TIFAB: variants seen among roughly 807,000 people sequenced by gnomAD.
The protein encoded by TIFAB is TRAF-interacting protein with FHA domain-containing protein B.
For synonymous variants in TIFAB, 116 were observed against 95.2 expected, an observed-to-expected ratio of 1.22 and a Z score of -1.27; for missense variants, 222 against 203.6, an observed-to-expected ratio of 1.09 and a Z score of -0.55.
chr5:135,450,019 A>C, intron 1 of TIFAB, 70 bp from the exon 2 acceptor site: 1 of 1,501,620 alleles, frequency 6.7e-7, no homozygotes, highest in Non-Finnish European at 8.9e-7. Context: ...CTGAGCCCAG[A>C]CACACTTGCC....
Position 135,448,712 on chromosome 5 carries a change from C to G in TIFAB, c.*742G>C, listed in dbSNP as rs1386644766. 1 of 152,208 alleles carries G rather than the reference C, an allele frequency of 6.6e-6. No individual in the cohort carries two copies. The highest frequency in any genetic ancestry group is 1.5e-5 in the Non-Finnish European group (1 of 68,074). The allele number at this position is 152,208 out of a possible 1,614,324, so 9.4% of individuals were successfully genotyped here. A position where few individuals can be genotyped will look rare whatever the true frequency, so the allele number is the denominator to read the frequency against. On this transcript the variant is annotated 3_prime_UTR_variant, in exon 2 of 2. Transcript: ENST00000537858. ...GCTCCCAGCTCCCATCCTCAGGAAACCCTGAGCCCTGCCTGCATCCTTTCC... is the reference window on the plus strand; with the variant it reads ...GCTCCCAGCTCCCATCCTCAGGAAAGCCTGAGCCCTGCCTGCATCCTTTCC...
chr5:135,447,166 T>C lies in TIFAB; in HGVS notation c.*2288A>G. On this transcript the variant is annotated 3_prime_UTR_variant, in exon 2 of 2. Transcript: ENST00000537858. Reference sequence around the variant, plus strand: ...ACTGCTGCTTTTCATCAGACCAAAATACATGTGGCTTCTTCTCCTTGCCAG... The same window carrying C: ...ACTGCTGCTTTTCATCAGACCAAAACACATGTGGCTTCTTCTCCTTGCCAG... The C allele has an allele frequency of 1.2e-6, 2 of 1,608,544 alleles. No homozygotes were observed. Among genetic ancestry groups the C allele is most frequent in the South Asian group, 1.1e-5 (1 of 90,630 alleles).
At position 135,446,423 on chromosome 5, in the gene TIFAB, G is replaced by A. The variant is rs763417638; in HGVS notation, c.*3031C>T. 10 of 1,612,344 alleles carry A rather than the reference G, an allele frequency of 6.2e-6. No individual in the cohort carries two copies. In the East Asian group the frequency reaches 1.1e-4, roughly 18 times the overall value. The stretch of plus-strand genomic sequence containing the variant: ...GCGGTGGGAGCTGAGAGAATGCAGT[G>A]GAGGTTGTTGGGAGGAACTCACCCG... On this transcript the variant is annotated 3_prime_UTR_variant, in exon 2 of 2. Coordinates refer to ENST00000537858, the MANE Select transcript of TIFAB (RefSeq NM_001099221.2).
In TIFAB at chr5:135,446,713, C is replaced by T; in HGVS notation, c.*2741G>A. 6.2e-7 allele frequency: 1 copy of T among 1,613,858 alleles called. No individual in the cohort carries two copies. The highest frequency in any genetic ancestry group is 8.5e-7 in the Non-Finnish European group (1 of 1,179,778). On this transcript the variant is annotated 3_prime_UTR_variant, in exon 2 of 2. Coordinates refer to ENST00000537858, the MANE Select transcript of TIFAB (RefSeq NM_001099221.2). ...ACGGGTAGAGTCTGAAACTACAAAC[C>T]AGATGTTTCCGGGCTCCCTCCCGCC...
Position 135,449,557 on chromosome 5 carries a change from T to C in TIFAB, c.383A>G (p.Tyr128Cys). Residue 128 changes from tyrosine to cysteine, a missense_variant, in exon 2 of 2, where the codon TAT becomes TGT. Physicochemically the swap from Tyr to Cys is radical, Grantham distance 194 (BLOSUM62 -2). Transcript: ENST00000537858. ...EGTSLEAFVC[Y>C]FHVSPSPLIY... is the part of the protein sequence containing the mutation. The stretch of plus-strand genomic sequence containing the variant: ...CAGGGGTGAAGGGCTGACATGGAAA[T>C]AGCAGACAAAAGCCTCCAGGGATGT... 2 of 1,614,156 alleles carry C rather than the reference T, an allele frequency of 1.2e-6. No individual in the cohort carries two copies.
chr5:135,450,731 G>A (rs1769349132), intron 1 of TIFAB: 1 of 152,234 alleles, frequency 6.6e-6, no homozygotes, highest in Admixed American at 6.5e-5. Context: ...GGGTTGAGTG[G>A]ATTTGAATAA....
At position 135,446,286 on chromosome 5, in the gene TIFAB, C is replaced by A. The variant is rs1042328073; in HGVS notation, c.*3168G>T. Reference sequence around the variant, plus strand: ...CCAGGCAGCAGTCTGACCAGAGGGCCCTAGCTGGGAGCAGCGTTCATGTGC... The same window carrying A: ...CCAGGCAGCAGTCTGACCAGAGGGCACTAGCTGGGAGCAGCGTTCATGTGC... On this transcript the variant is annotated 3_prime_UTR_variant, in exon 2 of 2. Transcript: ENST00000537858. 6.7e-7 allele frequency: 1 copy of A among 1,484,134 alleles called. No individual in the cohort carries two copies. The highest frequency in any genetic ancestry group is 9.0e-7 in the Non-Finnish European group (1 of 1,105,088). The allele number at this position is 1,484,134 out of a possible 1,614,324, so 91.9% of individuals were successfully genotyped here.
chr5:135,449,832 C>G lies in TIFAB; in HGVS notation c.108G>C (p.Leu36=). ...GGGCGTCCTGCCCCCGTCCGAGAAG[C>G]AGAGGGCTGGTATCATGCTGCAGCC... ...PPRLQHDTSP[L]LLGRGQDAHL... The change falls in exon 2 of 2, where the codon CTG becomes CTC. Residue 36 remains leucine (L), a synonymous_variant. Coordinates refer to ENST00000537858, the MANE Select transcript of TIFAB (RefSeq NM_001099221.2). 1.2e-6 allele frequency: 2 copies of G among 1,607,232 alleles called. No homozygotes were observed. Among genetic ancestry groups the G allele is most frequent in the Non-Finnish European group, 1.7e-6 (2 of 1,175,470 alleles).
chr5:135,449,514 A>G lies in TIFAB; in HGVS notation c.426T>C (p.Ala142=). ...SPSPLIYRPE[A]EETDEWEGIS... is the part of the protein sequence containing the mutation. ...TGCCTTCCCATTCGTCAGTTTCCTC[A>G]GCCTCAGGTCTGTAAATCAGGGGTG... The change falls in exon 2 of 2, where the codon GCT becomes GCC. Residue 142 remains alanine, a synonymous_variant. Coordinates refer to ENST00000537858, the MANE Select transcript of TIFAB (RefSeq NM_001099221.2). 4.3e-6 allele frequency: 7 copies of G among 1,614,188 alleles called. No individual in the cohort carries two copies. The highest frequency in any genetic ancestry group is 5.9e-6 in the Non-Finnish European group (7 of 1,180,032).
chr5:135,447,429 C>A lies in TIFAB; in HGVS notation c.*2025G>T. On this transcript the variant is annotated 3_prime_UTR_variant, in exon 2 of 2. Coordinates refer to ENST00000537858, the MANE Select transcript of TIFAB (RefSeq NM_001099221.2). ...CCTCTCTCAGGTCTCATGATAGTAG[C>A]TAACCCTTATTAAGTGTGTGCTGGG... 1 of 408,580 alleles carries A rather than the reference C, an allele frequency of 2.4e-6. No individual in the cohort carries two copies. 25.3% of individuals were successfully genotyped at this position (408,580 alleles called of 1,614,324 possible). A position where few individuals can be genotyped will look rare whatever the true frequency, so the allele number is the denominator to read the frequency against.
chr5:135,451,078 G>A (rs527272863), intron 1 of TIFAB, among the ~76,000 whole-genome samples: 10 of 152,322 alleles, frequency 6.6e-5, no homozygotes, highest in African/African-American at 2.4e-4. Context: ...GGTATGGTCT[G>A]GGCTGTGGTT....
intron 1 of TIFAB, among the ~76,000 whole-genome samples, chr5:135,451,881 A>G (rs1471519355): frequency 1.1e-4 from 16 of 152,156 alleles, no homozygotes; most frequent in Non-Finnish European, 2.4e-4. Context: ...TCAAGAGTTC[A>G]CTCCCAGAAA....
chr5:135,445,015 G>A lies in TIFAB; in HGVS notation c.*4439C>T, dbSNP rs1186601563. On this transcript the variant is annotated 3_prime_UTR_variant, in exon 2 of 2. Coordinates refer to ENST00000537858, the MANE Select transcript of TIFAB (RefSeq NM_001099221.2). ...GGCTGGCCTGCATAGCCCAGGGGTG[G>A]AGAGAGGGGTCAGACTAGAACCTAT... 6.6e-6 allele frequency: 1 copy of A among 152,314 alleles called. No individual in the cohort carries two copies. The highest frequency in any genetic ancestry group is 2.4e-5 in the African/African-American group (1 of 41,446). The allele number at this position is 152,314 out of a possible 1,614,324, so 9.4% of individuals were successfully genotyped here. A position where few individuals can be genotyped will look rare whatever the true frequency, so the allele number is the denominator to read the frequency against.
At position 135,449,673 on chromosome 5, in the gene TIFAB, C is replaced by T. The variant is rs1561708648; in HGVS notation, c.267G>A (p.Leu89=). ...SRKGCVWVNG[L]TLRYLEQVPL... is the part of the protein sequence containing the mutation. ...GGACCTGCTCCAGGTACCTCAGCGT[C>T]AGCCCATTGACCCACACACAGCCCT... is the stretch of plus-strand genomic sequence containing the variant. Residue 89 remains leucine (L), a synonymous_variant, in exon 2 of 2, where the codon CTG becomes CTA. Coordinates refer to ENST00000537858, the MANE Select transcript of TIFAB (RefSeq NM_001099221.2). 6.2e-7 allele frequency: 1 copy of T among 1,614,178 alleles called. No individual in the cohort carries two copies. Among genetic ancestry groups the T allele is most frequent in the Non-Finnish European group, 8.5e-7 (1 of 1,180,048 alleles).
At position 135,446,682 on chromosome 5, in the gene TIFAB, C is replaced by A. The variant is rs185565464; in HGVS notation, c.*2772G>T. 3.7e-4 allele frequency: 593 copies of A among 1,613,912 alleles called. 6 individuals carry two copies. The East Asian group carries it at 8.7e-3, about 24-fold the overall frequency. On this transcript the variant is annotated 3_prime_UTR_variant, in exon 2 of 2. Coordinates refer to ENST00000537858, the MANE Select transcript of TIFAB (RefSeq NM_001099221.2). The stretch of plus-strand genomic sequence containing the variant: ...GAGTTTCCCGGTGAGACTGTGTGAA[C>A]TGTGAACGGGTAGAGTCTGAAACTA...
At position 135,449,705 on chromosome 5, in the gene TIFAB, T is replaced by C; in HGVS notation, c.235A>G (p.Ser79Gly). The C allele has an allele frequency of 6.2e-7, 1 of 1,614,100 alleles. No homozygotes were observed. Among genetic ancestry groups the C allele is most frequent in the Non-Finnish European group, 8.5e-7 (1 of 1,180,030 alleles). Reference sequence around the variant, plus strand: ...TTGACCCACACACAGCCCTTGCGGCTCAGGGCCTTGAGGCAGAAGGCCAGC... The same window carrying C: ...TTGACCCACACACAGCCCTTGCGGCCCAGGGCCTTGAGGCAGAAGGCCAGC... ...ALLAFCLKAL[S>G]RKGCVWVNGL... The change falls in exon 2 of 2, where the codon AGC becomes GGC. Residue 79 changes from serine (S) to glycine (G), a missense_variant. Ser to Gly is a moderately conservative substitution (Grantham distance 56). Transcript: ENST00000537858.
In TIFAB at chr5:135,448,217, A is replaced by G. The variant is rs943513720; in HGVS notation, c.*1237T>C. On this transcript the variant is annotated 3_prime_UTR_variant, in exon 2 of 2. Transcript: ENST00000537858. ...GATCATCCTTTTGGGCAGAAAACAG[A>G]AATTGTTGACAGCTACAGACCCAGA... 1.3e-5 allele frequency: 2 copies of G among 152,134 alleles called. No homozygotes were observed. The highest frequency in any genetic ancestry group is 4.8e-5 in the African/African-American group (2 of 41,412). 9.4% of individuals were successfully genotyped at this position (152,134 alleles called of 1,614,324 possible).
rs757297103 is a variant in TIFAB at position 135,444,495 on chromosome 5, G to A, written c.*4959C>T. On this transcript the variant is annotated 3_prime_UTR_variant, in exon 2 of 2. Transcript: ENST00000537858. ...CTGTGGCGACATCAGCCACCACTAC[G>A]TGTCACGGGGTGGATGCTGAGGAAG... 2.6e-5 allele frequency: 4 copies of A among 152,324 alleles called. No homozygotes were observed. Among genetic ancestry groups the A allele is most frequent in the East Asian group, 1.9e-4 (1 of 5,198 alleles). 9.4% of individuals were successfully genotyped at this position (152,324 alleles called of 1,614,324 possible).
chr5:135,446,798 G>A lies in TIFAB; in HGVS notation c.*2656C>T, dbSNP rs373679643. The stretch of plus-strand genomic sequence containing the variant: ...TTCATCCTGGGTCCCTGAGGGCCTC[G>A]CAGATGCTTCACTCGAAAGATTGGA... On this transcript the variant is annotated 3_prime_UTR_variant, in exon 2 of 2. Transcript: ENST00000537858. The A allele has an allele frequency of 2.9e-5, 47 of 1,613,884 alleles. No individual in the cohort carries two copies. Among genetic ancestry groups the A allele is most frequent in the East Asian group, 2.0e-4 (9 of 44,880 alleles).
Sources: allele counts gnomAD v4.1 joint callset (sites outside exome capture counted in the v4.1 genomes callset), GRCh38; gene constraint gnomAD v4.1.1; transcripts MANE v1.5; gene names NCBI Gene and HGNC (gene_info 2026-07-23, HGNC 2026-07-21).